Variants in IGSF21 observed in about 807,000 individuals in gnomAD.
The protein encoded by IGSF21 is immunoglobin superfamily member 21.
In IGSF21, 28 loss-of-function variants were observed where a neutral mutation model predicts 46.8. The observed-to-expected ratio is 0.60, with a 90% CI of 0.44 to 0.82. The LOEUF (loss-of-function observed/expected upper bound fraction) is 0.82. Ranked by LOEUF, IGSF21 falls within the 40% of genes least tolerant of loss-of-function variation. IGSF21 has a pLI of 0.00. For missense variants in IGSF21, 624 were observed against 665.5 expected, an observed-to-expected ratio of 0.94 and a Z score of 0.69; for synonymous variants, 284 against 273.6, an observed-to-expected ratio of 1.04 and a Z score of -0.38.
At chr1:18,217,128 C>T (rs901282837) in intron 1 of IGSF21, among the ~76,000 whole-genome samples, 2 of 152,112 alleles carry the variant, frequency 1.3e-5, no homozygotes, top group Admixed American at 1.3e-4. Flanking sequence ...AACCACCTGA[C>T]CACCCGTCTG....
chr1:18,374,861 T>C (rs906999526), intron 6 of IGSF21, among the ~76,000 whole-genome samples: 2 of 152,090 alleles, frequency 1.3e-5, no homozygotes, highest in Admixed American at 1.3e-4. Context: ...TTTTCCACCC[T>C]TAGAAGATGT....
intron 1 of IGSF21, among the ~76,000 whole-genome samples, chr1:18,214,963 A>G (rs1450631704): frequency 6.6e-6 from 1 of 152,126 alleles, no homozygotes; most frequent in Non-Finnish European, 1.5e-5. Context: ...GATGGTCTTG[A>G]TCTCTTGACC....
intron 1 of IGSF21, among the ~76,000 whole-genome samples, chr1:18,200,866 G>T (rs1012533233): frequency 6.6e-6 from 1 of 152,130 alleles, no homozygotes; most frequent in Non-Finnish European, 1.5e-5. Context: ...GATTTATGTC[G>T]TTGATTTTAC....
intron 1 of IGSF21, among the ~76,000 whole-genome samples, chr1:18,208,599 A>G (rs375349832): frequency 1.3e-4 from 16 of 121,208 alleles, no homozygotes; most frequent in African/African-American, 4.8e-4. Context: ...GGGTTTCTCC[A>G]TGTTAGCCAG....
intron 2 of IGSF21, among the ~76,000 whole-genome samples, chr1:18,232,193 G>T (rs2084634200): frequency 1.5e-5 from 2 of 137,810 alleles, no homozygotes. Flanking sequence ...AGCTCATATA[G>T]ATAAGCTCCA....
At chr1:18,149,430 G>A (rs1272036625) in intron 1 of IGSF21, among the ~76,000 whole-genome samples, 2 of 152,220 alleles carry the variant, frequency 1.3e-5, no homozygotes, top group Admixed American at 1.3e-4. Context: ...ACTCATGGCT[G>A]TGCTAATCAT....
At chr1:18,351,730 C>A (rs182389490) in intron 4 of IGSF21, among the ~76,000 whole-genome samples, 76 of 152,322 alleles carry the variant, frequency 5.0e-4, no homozygotes, top group Admixed American at 2.1e-3. Flanking sequence ...ATACTCACCT[C>A]TCAGATATAT....
chr1:18,130,168 C>T (rs2086305570), intron 1 of IGSF21, among the ~76,000 whole-genome samples: 1 of 152,164 alleles, frequency 6.6e-6, no homozygotes, highest in South Asian at 2.1e-4. Flanking sequence ...GACACCACCC[C>T]CCAACCCCAT....
intron 1 of IGSF21, among the ~76,000 whole-genome samples, chr1:18,178,736 A>G (rs56206274): frequency 0.35 from 53,269 of 151,768 alleles, 10,775 homozygotes; most frequent in East Asian, 0.72. Context: ...CCAGCAAGTG[A>G]TGTCATCCCC....
chr1:18,376,361 G>A lies in IGSF21; in HGVS notation c.1067G>A (p.Gly356Glu). The change falls in exon 7 of 10, where the codon GGG (glycine) becomes GAG (glutamate). Residue 356 changes from glycine (G) to glutamate (E), a missense_variant. Transcript: ENST00000251296. ...IVMTPSRARV[G>E]DTVRILVHGF... ...ATGACGCCCAGCAGAGCCCGGGTAG[G>A]GGACACAGTGAGGATTCTGGTCCAT... 1.2e-6 allele frequency: 2 copies of A among 1,614,000 alleles called. No homozygotes were observed. The highest frequency in any genetic ancestry group is 1.7e-6 in the Non-Finnish European group (2 of 1,179,958).
chr1:18,355,865 C>T (rs1329305483), intron 4 of IGSF21, among the ~76,000 whole-genome samples: 1 of 119,394 alleles, frequency 8.4e-6, no homozygotes, highest in Non-Finnish European at 1.6e-5. Context: ...GACGGAGTTT[C>T]GCTCTTGTTA....
At position 18,147,613 on chromosome 1, in the gene IGSF21, T is replaced by C. The variant is rs184748985; in HGVS notation, c.70+39415T>C. 3.3e-5 allele frequency among the ~76,000 whole-genome samples: 5 copies of C among 152,218 alleles called. No individual in the cohort carries two copies. The East Asian group carries it at 7.7e-4, about 23-fold the overall frequency. ...TTGCTAGCATTAATAATTTTGTTGG[T>C]TTTTTTGCTCATCATCTGTTTCCCC... On this transcript the variant is annotated intron_variant, in intron 1 of 9. Coordinates refer to ENST00000251296, the MANE Select transcript of IGSF21 (RefSeq NM_032880.5).
Position 18,109,859 on chromosome 1 carries a change from G to C in IGSF21, c.70+1661G>C, listed in dbSNP as rs2124396071. 6.6e-6 allele frequency: 1 copy of C among 152,638 alleles called. No homozygotes were observed. The highest frequency in any genetic ancestry group is 1.9e-4 in the East Asian group (1 of 5,164). 9.5% of individuals were successfully genotyped at this position (152,638 alleles called of 1,614,324 possible). ...CTCACCTGGACATTGCAGGGGGCGG[G>C]GGTTGGAGGCTGGGGACCTAAGGTA... On this transcript the variant is annotated intron_variant, in intron 1 of 9. Coordinates refer to ENST00000251296, the MANE Select transcript of IGSF21 (RefSeq NM_032880.5). This position sits in a 1 kb window ranked among gnomAD's most constrained non-coding sequence, Gnocchi z 4.8.
intron 1 of IGSF21, among the ~76,000 whole-genome samples, chr1:18,154,948 G>C (rs545159333): frequency 6.6e-6 from 1 of 152,136 alleles, no homozygotes; most frequent in African/African-American, 2.4e-5. Flanking sequence ...AGGGCAGACT[G>C]TGAAGTGCAG....
At chr1:18,269,158 G>A (rs531732139) in intron 2 of IGSF21, among the ~76,000 whole-genome samples, 42 of 152,344 alleles carry the variant, frequency 2.8e-4, no homozygotes, top group African/African-American at 9.4e-4. Flanking sequence ...GAGGGTCACT[G>A]GGGATTGGGG....
At chr1:18,110,288 G>A (rs565758455) in intron 1 of IGSF21, 2 of 152,414 alleles carry the variant, frequency 1.3e-5, no homozygotes, top group South Asian at 4.1e-4. Context: ...CTCCGCAGAG[G>A]AGAGCACACG....
At chr1:18,234,208 ATG>A (rs887861645) in intron 2 of IGSF21, among the ~76,000 whole-genome samples, 2 of 152,120 alleles carry the variant, frequency 1.3e-5, no homozygotes, top group Non-Finnish European at 2.9e-5. Flanking sequence ...CTGGAAAAGG[ATG>A]TGAGTGAGGA....
At chr1:18,210,549 ACT>A (rs142531003) in intron 1 of IGSF21, among the ~76,000 whole-genome samples, 257 of 151,626 alleles carry the variant, frequency 1.7e-3, no homozygotes, top group African/African-American at 5.8e-3. Flanking sequence ...GGTGTTGGAG[ACT>A]CTCTCTGCTG....
At chr1:18,350,362 A>G (rs943640511) in intron 4 of IGSF21, among the ~76,000 whole-genome samples, 1 of 152,178 alleles carries the variant, frequency 6.6e-6, no homozygotes, top group Non-Finnish European at 1.5e-5. Context: ...GGCAAGGCCA[A>G]GGGAAGAGGC....
Sources: allele counts gnomAD v4.1 joint callset (sites outside exome capture counted in the v4.1 genomes callset), GRCh38; gene constraint gnomAD v4.1.1; non-coding constraint Gnocchi (gnomAD v3.1); transcripts MANE v1.5; gene names NCBI Gene and HGNC (gene_info 2026-07-23, HGNC 2026-07-21).